Variants in TTLL5 observed in about 807,000 individuals in gnomAD.
The protein encoded by TTLL5 is tubulin polyglutamylase TTLL5.
Under a neutral mutation model 168.4 loss-of-function variants are expected in TTLL5, and 132 were observed. The observed-to-expected ratio is 0.78, with a 90% CI of 0.68 to 0.91. TTLL5 has a LOEUF of 0.91. Ranked by LOEUF, TTLL5 falls within the 40% of genes least tolerant of loss-of-function variation. The probability of loss-of-function intolerance (pLI) is 0.00; values close to 1 mark genes in which losing one functional copy is unlikely to be tolerated. For synonymous variants in TTLL5, 546 were observed against 558.6 expected (o/e 0.98, Z 0.32); for missense variants, 1,545 against 1,581.5 (o/e 0.98, Z 0.39).
intron 7 of TTLL5, among the ~76,000 whole-genome samples, chr14:75,706,014 C>G (rs1458862930): frequency 6.6e-6 from 1 of 152,158 alleles, no homozygotes; most frequent in Non-Finnish European, 1.5e-5. Flanking sequence ...TTAACCATGT[C>G]TTTCATAATT....
chr14:75,926,912 A>G (rs1450137996), intron 31 of TTLL5, among the ~76,000 whole-genome samples: 1 of 152,264 alleles, frequency 6.6e-6, no homozygotes, highest in Non-Finnish European at 1.5e-5. Flanking sequence ...GAAACAACCT[A>G]AATGTTAGCC....
chr14:75,668,881 T>C (rs1471810808), intron 2 of TTLL5, among the ~76,000 whole-genome samples: 1 of 152,210 alleles, frequency 6.6e-6, no homozygotes, highest in Non-Finnish European at 1.5e-5. Context: ...GAGAATACTT[T>C]CACTCATATT....
chr14:75,952,164 C>T (rs2034981815), intron 31 of TTLL5, among the ~76,000 whole-genome samples: 1 of 152,016 alleles, frequency 6.6e-6, no homozygotes, highest in Non-Finnish European at 1.5e-5. Context: ...TATACCATGC[C>T]AAGAAGCATA....
Position 75,745,633 on chromosome 14 carries a change from GATTA to G in TTLL5, c.1487+56_1487+59del. ...TCTTTACCTGAGGTCCATAGAATTA[GATTA>G]ATTGTGATACACTGTCATCACTGCT... is the stretch of plus-strand genomic sequence containing the variant. On this transcript the variant is annotated intron_variant, in intron 17 of 31. Coordinates refer to ENST00000298832, the MANE Select transcript of TTLL5 (RefSeq NM_015072.5). 6 of 1,405,360 alleles carry G rather than the reference GATTA, an allele frequency of 4.3e-6. No homozygotes were observed. The African/African-American group carries it at 5.7e-5, about 13-fold the overall frequency. The allele number at this position is 1,405,360 out of a possible 1,614,324, so 87.1% of individuals were successfully genotyped here.
chr14:75,678,007 C>T (rs904311513), intron 3 of TTLL5, among the ~76,000 whole-genome samples: 2 of 152,088 alleles, frequency 1.3e-5, no homozygotes, highest in African/African-American at 2.4e-5. Flanking sequence ...CTGATCACCT[C>T]CCCTGTGGCT....
chr14:75,918,999 G>A (rs1018800769), intron 31 of TTLL5, among the ~76,000 whole-genome samples: 36 of 151,620 alleles, frequency 2.4e-4, no homozygotes, highest in Admixed American at 2.3e-3. Context: ...TCAGGAGTTC[G>A]AGACCATCCT....
chr14:75,846,792 G>GAAAAAAAAAAAA, intron 28 of TTLL5, among the ~76,000 whole-genome samples: 1 of 99,224 alleles, frequency 1.0e-5, no homozygotes, highest in Non-Finnish European at 2.0e-5. Flanking sequence ...CTCCATCTCA[G>GAAAAAAAAAAAA]AAAAAAAAAA....
chr14:75,942,024 C>CAA (rs34179802), intron 31 of TTLL5, among the ~76,000 whole-genome samples: 3 of 150,764 alleles, frequency 2.0e-5, no homozygotes, highest in Admixed American at 6.6e-5. Context: ...ACTAAAAATA[C>CAA]AAAAAAACTA....
chr14:75,785,754 T>A (rs752132170), intron 26 of TTLL5, among the ~76,000 whole-genome samples: 10 of 152,084 alleles, frequency 6.6e-5, no homozygotes, highest in Non-Finnish European at 8.8e-5. Context: ...CAATATCACA[T>A]TGTCTTGATT....
intron 7 of TTLL5, among the ~76,000 whole-genome samples, chr14:75,699,923 C>T (rs977430132): frequency 1.3e-5 from 2 of 152,166 alleles, no homozygotes; most frequent in African/African-American, 4.8e-5. Context: ...ATTTATATTT[C>T]TTTCATTGAC....
At chr14:75,833,682 G>A (rs992874378) in intron 28 of TTLL5, among the ~76,000 whole-genome samples, 4 of 152,158 alleles carry the variant, frequency 2.6e-5, no homozygotes, top group Non-Finnish European at 5.9e-5. Flanking sequence ...TAGAGTACGT[G>A]CCCAGTAAGT....
intron 31 of TTLL5, chr14:75,904,223 A>G: frequency 8.3e-7 from 1 of 1,210,930 alleles, no homozygotes; most frequent in South Asian, 1.5e-5. Context: ...AAAAGGAAAG[A>G]AAAAAAGAAT....
chr14:75,778,573 A>G (rs1339242366), intron 23 of TTLL5, among the ~76,000 whole-genome samples: 1 of 152,222 alleles, frequency 6.6e-6, no homozygotes, highest in African/African-American at 2.4e-5. Flanking sequence ...GCTGAGATTC[A>G]TAAAGGTGGT....
chr14:75,891,780 G>A (rs2032414766), intron 30 of TTLL5, among the ~76,000 whole-genome samples: 1 of 152,194 alleles, frequency 6.6e-6, no homozygotes, highest in African/African-American at 2.4e-5. Flanking sequence ...TAATAGCCTG[G>A]AATTTGAAAT....
chr14:75,745,033 G>A, intron 15 of TTLL5, 62 bp from the exon 16 acceptor site: 2 of 1,279,204 alleles, frequency 1.6e-6, no homozygotes, highest in Non-Finnish European at 2.2e-6. Flanking sequence ...TGAACAGAGG[G>A]TAATGAGGAG....
intron 31 of TTLL5, among the ~76,000 whole-genome samples, chr14:75,927,690 A>T (rs2034122608): frequency 1.3e-5 from 2 of 152,138 alleles, no homozygotes; most frequent in Admixed American, 1.3e-4. Context: ...TCCTCCCAGG[A>T]AAGGTGGTGT....
intron 30 of TTLL5, chr14:75,886,860 G>T: frequency 6.6e-7 from 1 of 1,508,878 alleles, no homozygotes; most frequent in South Asian, 1.3e-5. Context: ...GAAATATGGA[G>T]AAAGAAACCT....
At chr14:75,745,666 C>G in intron 17 of TTLL5, 85 bp downstream of exon 17, 3 of 1,011,636 alleles carry the variant, frequency 3.0e-6, no homozygotes, top group Non-Finnish European at 4.5e-6. Context: ...CACTGCTCCC[C>G]CCGATGATGC....
At chr14:75,925,229 G>A (rs1211443082) in intron 31 of TTLL5, among the ~76,000 whole-genome samples, 4 of 148,992 alleles carry the variant, frequency 2.7e-5, no homozygotes, top group African/African-American at 1.0e-4. Context: ...CTGGCCTGGC[G>A]GGGGCTGACC....
Sources: gnomAD v4.1 joint callset for allele counts (sites outside exome capture counted in the v4.1 genomes callset) on GRCh38, gnomAD v4.1.1 for gene constraint, MANE v1.5 for transcripts, NCBI Gene and HGNC (gene_info 2026-07-23, HGNC 2026-07-21) for gene names.